DOCK2: variants seen among roughly 807,000 people sequenced by gnomAD.
DOCK2 encodes dedicator of cytokinesis 2.
DOCK2 carries 87 observed loss-of-function variants against 248.9 expected under a neutral mutation model. The observed-to-expected ratio is 0.35, with a 90% CI of 0.29 to 0.42. The LOEUF (loss-of-function observed/expected upper bound fraction) is 0.42, where lower values mean the gene tolerates loss of function less well. DOCK2 is among the 10% of genes least tolerant of loss of function. The pLI is 1.00. For missense variants in DOCK2, 1,747 were observed against 2,300.2 expected, an observed-to-expected ratio of 0.76 and a Z score of 4.92; for synonymous variants, 805 against 821.6, an observed-to-expected ratio of 0.98 and a Z score of 0.35.
chr5:169,884,118 T>C (rs1226228277), intron 27 of DOCK2: 1 of 400,616 alleles, frequency 2.5e-6, no homozygotes, highest in Non-Finnish European at 4.4e-6. Context: ...GTTAAAATAT[T>C]AATTCATTGT....
At chr5:169,662,470 A>T (rs1425361935) in intron 2 of DOCK2, among the ~76,000 whole-genome samples, 1 of 152,074 alleles carries the variant, frequency 6.6e-6, no homozygotes, top group Admixed American at 6.6e-5. Context: ...CAGGATTCAC[A>T]CTCTTAACCA....
intron 27 of DOCK2, among the ~76,000 whole-genome samples, chr5:169,949,316 C>T (rs1776567123): frequency 6.6e-6 from 1 of 152,010 alleles, no homozygotes; most frequent in Non-Finnish European, 1.5e-5. Context: ...ATAATGTGGA[C>T]AGAACTGTAA....
intron 29 of DOCK2, among the ~76,000 whole-genome samples, chr5:169,987,785 T>C (rs1314464474): frequency 6.6e-6 from 1 of 152,080 alleles, no homozygotes; most frequent in Non-Finnish European, 1.5e-5. Flanking sequence ...ATAGAAATCA[T>C]AGATTTGTAT....
At chr5:169,883,945 A>T in intron 27 of DOCK2, 2 of 1,436,362 alleles carry the variant, frequency 1.4e-6, no homozygotes, top group Non-Finnish European at 1.8e-6. Flanking sequence ...TCCTAGGCAC[A>T]TCTCCCCTTA....
chr5:170,033,335 T>C (rs947418235), intron 34 of DOCK2, among the ~76,000 whole-genome samples: 3 of 152,218 alleles, frequency 2.0e-5, no homozygotes, highest in African/African-American at 7.2e-5. Flanking sequence ...TATTTTTGTT[T>C]TTAAAATTTA....
intron 1 of DOCK2, among the ~76,000 whole-genome samples, chr5:169,651,917 A>G (rs1757829823): frequency 6.6e-6 from 1 of 152,362 alleles, no homozygotes; most frequent in Non-Finnish European, 1.5e-5. Flanking sequence ...TTTAAAGGCT[A>G]CACAAAGCTC....
chr5:169,699,473 T>A lies in DOCK2; in HGVS notation c.1132+15T>A. The A allele has an allele frequency of 6.2e-7, 1 of 1,609,522 alleles. No homozygotes were observed. Among genetic ancestry groups the A allele is most frequent in the Non-Finnish European group, 8.5e-7 (1 of 1,177,410 alleles). ...TGGAGGGCAAGGTAAAGTGCCAATA[T>A]GCCAGTGGGCTGAGCCTGCTCCAGC... is the stretch of plus-strand genomic sequence containing the variant. On this transcript the variant is annotated intron_variant, in intron 12 of 51. Coordinates refer to ENST00000520908, the MANE Select transcript of DOCK2 (RefSeq NM_004946.3).
intron 26 of DOCK2, among the ~76,000 whole-genome samples, chr5:169,830,605 G>A (rs1769162514): frequency 6.6e-6 from 1 of 152,152 alleles, no homozygotes; most frequent in Admixed American, 6.5e-5. Flanking sequence ...TTAAGATATT[G>A]AACATGCAGA....
At chr5:169,926,963 G>T (rs1775489310) in intron 27 of DOCK2, among the ~76,000 whole-genome samples, 1 of 152,210 alleles carries the variant, frequency 6.6e-6, no homozygotes, top group Non-Finnish European at 1.5e-5. Flanking sequence ...AAATGAGGCT[G>T]GCTACTTTAG....
At chr5:169,762,175 C>G (rs1189179261) in intron 25 of DOCK2, among the ~76,000 whole-genome samples, 1 of 151,950 alleles carries the variant, frequency 6.6e-6, no homozygotes, top group African/African-American at 2.4e-5. Context: ...CCCTCCAGAC[C>G]CTGTGCATGG....
intron 26 of DOCK2, among the ~76,000 whole-genome samples, chr5:169,822,308 A>C (rs1447791206): frequency 6.6e-6 from 1 of 152,234 alleles, no homozygotes; most frequent in Non-Finnish European, 1.5e-5. Flanking sequence ...AAATCAACAG[A>C]ATATACATTC....
intron 23 of DOCK2, among the ~76,000 whole-genome samples, chr5:169,759,206 A>G (rs1305185728): frequency 6.6e-6 from 1 of 152,238 alleles, no homozygotes; most frequent in Non-Finnish European, 1.5e-5. Context: ...AAATATGAAT[A>G]ACTTGTCACC....
intron 32 of DOCK2, among the ~76,000 whole-genome samples, chr5:170,014,805 C>A (rs1277533679): frequency 6.6e-6 from 1 of 152,004 alleles, no homozygotes; most frequent in East Asian, 1.9e-4. Context: ...GGGGAGGGAG[C>A]ACAGGACCAG....
At chr5:170,045,994 G>A (rs1007845578) in intron 39 of DOCK2, 89 bp downstream of exon 39, 16 of 1,196,846 alleles carry the variant, frequency 1.3e-5, no homozygotes, top group Non-Finnish European at 3.7e-6. Context: ...ATGGGCATGA[G>A]GGCCAGGCGG....
chr5:169,712,578 A>G (rs1193683088), intron 17 of DOCK2, among the ~76,000 whole-genome samples: 1 of 152,232 alleles, frequency 6.6e-6, no homozygotes, highest in Non-Finnish European at 1.5e-5. Flanking sequence ...TAGAGGATGT[A>G]CAATAAACAT....
chr5:169,908,044 ACAATTT>A (rs1774391427), intron 27 of DOCK2, among the ~76,000 whole-genome samples: 1 of 152,206 alleles, frequency 6.6e-6, no homozygotes. Context: ...CTGTGATGGA[ACAATTT>A]AGATCAAGCC....
chr5:169,648,890 A>G (rs1757634984), intron 1 of DOCK2, among the ~76,000 whole-genome samples: 1 of 152,096 alleles, frequency 6.6e-6, no homozygotes, highest in Non-Finnish European at 1.5e-5. Flanking sequence ...CTCTGGCTGT[A>G]ATTCTTCTGC....
chr5:169,975,483 C>G (rs186872361), intron 27 of DOCK2, among the ~76,000 whole-genome samples: 2 of 152,264 alleles, frequency 1.3e-5, no homozygotes, highest in East Asian at 1.9e-4. Context: ...ATATACGGAG[C>G]CTTCCCTCAG....
chr5:169,810,245 ATTC>A (rs1363723887), intron 26 of DOCK2, among the ~76,000 whole-genome samples: 1 of 152,132 alleles, frequency 6.6e-6, no homozygotes, highest in African/African-American at 2.4e-5. Context: ...CTAGCAGGGT[ATTC>A]TTCTTTTTGC....
Sources: gnomAD v4.1 joint callset for allele counts (sites outside exome capture counted in the v4.1 genomes callset) on GRCh38, gnomAD v4.1.1 for gene constraint, MANE v1.5 for transcripts, NCBI Gene and HGNC (gene_info 2026-07-23, HGNC 2026-07-21) for gene names.